DCC: variants seen among roughly 807,000 people sequenced by gnomAD.
DCC encodes netrin receptor DCC.
A neutral mutation model predicts 172.5 loss-of-function variants in DCC; 58 were observed. The observed-to-expected ratio is 0.34, with a 90% CI of 0.27 to 0.42. The LOEUF is 0.42. DCC is among the 10% of genes least tolerant of loss of function. The pLI, the probability that DCC is intolerant of heterozygous loss-of-function variation, is 1.00. For synonymous variants in DCC, 709 were observed against 644.5 expected (o/e 1.10, Z -1.52); for missense variants, 1,740 against 1,791.0 (o/e 0.97, Z 0.51).
At chr18:53,451,950 T>C (rs978780745) in intron 23 of DCC, among the ~76,000 whole-genome samples, 3 of 152,314 alleles carry the variant, frequency 2.0e-5, no homozygotes, top group Admixed American at 6.5e-5. Flanking sequence ...TTATGAGATT[T>C]GACTAGTTTG....
At chr18:52,375,599 CT>C (rs1211471189) in intron 1 of DCC, among the ~76,000 whole-genome samples, 2 of 152,160 alleles carry the variant, frequency 1.3e-5, no homozygotes, top group Admixed American at 1.3e-4. Flanking sequence ...AGTCTTGAAC[CT>C]TCATTTGACA....
At chr18:53,382,115 C>T (rs1246601213) in intron 15 of DCC, among the ~76,000 whole-genome samples, 2 of 149,436 alleles carry the variant, frequency 1.3e-5, no homozygotes, top group East Asian at 2.0e-4. Context: ...CCCCTACCTC[C>T]TAAGCACTTG....
chr18:52,734,169 T>C (rs2036689624), intron 1 of DCC, among the ~76,000 whole-genome samples: 1 of 152,104 alleles, frequency 6.6e-6, no homozygotes, highest in Admixed American at 6.6e-5. Flanking sequence ...CTTCCATGGG[T>C]ACATAGTAGG....
chr18:53,501,788 A>G (rs983990546), intron 27 of DCC, among the ~76,000 whole-genome samples: 1 of 152,214 alleles, frequency 6.6e-6, no homozygotes, highest in Non-Finnish European at 1.5e-5. Context: ...TTGGAAGTCA[A>G]CCTATGCTCT....
chr18:53,341,074 C>T (rs976496842), intron 15 of DCC, among the ~76,000 whole-genome samples: 1 of 152,176 alleles, frequency 6.6e-6, no homozygotes, highest in Non-Finnish European at 1.5e-5. Flanking sequence ...AATATTCTTT[C>T]CATCAGTTCC....
chr18:52,635,339 G>A (rs562275025), intron 1 of DCC, among the ~76,000 whole-genome samples: 7 of 152,216 alleles, frequency 4.6e-5, no homozygotes, highest in East Asian at 1.9e-4. Context: ...TTTGCCCTAC[G>A]CAACACTGTG....
intron 7 of DCC, among the ~76,000 whole-genome samples, chr18:53,100,311 T>C (rs564869474): frequency 2.5e-4 from 38 of 152,100 alleles, no homozygotes; most frequent in Middle Eastern, 3.2e-3. Context: ...AAGGGGAGTT[T>C]TTGTGATTTA....
intron 5 of DCC, among the ~76,000 whole-genome samples, chr18:52,968,463 C>T (rs2040970424): frequency 1.3e-5 from 2 of 152,114 alleles, no homozygotes; most frequent in East Asian, 3.9e-4. Flanking sequence ...TTCAGCATCC[C>T]ACCCTCTCTT....
intron 15 of DCC, among the ~76,000 whole-genome samples, chr18:53,359,756 A>C (rs953362716): frequency 2.0e-5 from 3 of 152,174 alleles, no homozygotes; most frequent in African/African-American, 7.2e-5. Context: ...CTCTTTCTTT[A>C]AATCCAGAAT....
At chr18:52,405,985 T>G (rs1167129857) in intron 1 of DCC, among the ~76,000 whole-genome samples, 1 of 150,896 alleles carries the variant, frequency 6.6e-6, no homozygotes, top group African/African-American at 2.4e-5. Flanking sequence ...TATAGATCAA[T>G]GGAACAGAAC....
chr18:52,770,901 T>TCGG (rs1329366910), intron 2 of DCC, among the ~76,000 whole-genome samples: 49 of 152,190 alleles, frequency 3.2e-4, no homozygotes, highest in Non-Finnish European at 1.0e-4. Flanking sequence ...TCGCCATCCT[T>TCGG]CAAAGCACAT....
intron 2 of DCC, among the ~76,000 whole-genome samples, chr18:52,888,934 C>T (rs1213273522): frequency 6.6e-6 from 1 of 151,954 alleles, no homozygotes; most frequent in Non-Finnish European, 1.5e-5. Flanking sequence ...CATATATATA[C>T]ATACAAGCAC....
intron 8 of DCC, among the ~76,000 whole-genome samples, chr18:53,168,879 C>A (rs1002302276): frequency 2.0e-5 from 3 of 151,876 alleles, no homozygotes; most frequent in African/African-American, 7.3e-5. Context: ...GAGGTGAGAT[C>A]TCATTAATCT....
At chr18:53,331,829 AAATC>A (rs2057532425) in intron 14 of DCC, among the ~76,000 whole-genome samples, 1 of 152,216 alleles carries the variant, frequency 6.6e-6, no homozygotes, top group African/African-American at 2.4e-5. Context: ...GAGCAAGAGA[AAATC>A]AAGGAAGGGA....
At chr18:52,684,223 T>A (rs2035793207) in intron 1 of DCC, among the ~76,000 whole-genome samples, 1 of 152,114 alleles carries the variant, frequency 6.6e-6, no homozygotes, top group African/African-American at 2.4e-5. Context: ...CCTTTGTTAA[T>A]CATTGTGTGG....
intron 7 of DCC, among the ~76,000 whole-genome samples, chr18:53,086,018 C>CTTCTTT (rs2042879952): frequency 1.3e-3 from 2 of 1,518 alleles, no homozygotes; most frequent in Admixed American, 5.5e-3. Context: ...TTCTCCTTCT[C>CTTCTTT]CCTCTCCCTC....
At chr18:53,144,157 T>C (rs950426010) in intron 7 of DCC, among the ~76,000 whole-genome samples, 19 of 152,244 alleles carry the variant, frequency 1.2e-4, no homozygotes, top group Admixed American at 1.2e-3. Flanking sequence ...ATGCTTTTAA[T>C]AATATGGAAA....
At chr18:53,161,157 C>T (rs1375413924) in intron 8 of DCC, among the ~76,000 whole-genome samples, 1 of 152,216 alleles carries the variant, frequency 6.6e-6, no homozygotes, top group Non-Finnish European at 1.5e-5. Flanking sequence ...CTTGAATTGT[C>T]TAACTTCACT....
At chr18:53,356,234 C>T (rs1467449683) in intron 15 of DCC, among the ~76,000 whole-genome samples, 1 of 151,914 alleles carries the variant, frequency 6.6e-6, no homozygotes, top group Non-Finnish European at 1.5e-5. Flanking sequence ...CTCAGTCTCT[C>T]CTCTACCTTC....
Sources: gnomAD v4.1 joint callset for allele counts (sites outside exome capture counted in the v4.1 genomes callset) on GRCh38, gnomAD v4.1.1 for gene constraint, MANE v1.5 for transcripts, NCBI Gene and HGNC (gene_info 2026-07-23, HGNC 2026-07-21) for gene names.